The following PDE10A variants were observed in gnomAD, a reference collection of about 807,000 sequenced individuals.
PDE10A encodes the protein cAMP and cAMP-inhibited cGMP 3',5'-cyclic phosphodiesterase 10A.
PDE10A carries 39 observed loss-of-function variants against 97.7 expected under a neutral mutation model. The observed-to-expected ratio is 0.40, with a 90% CI of 0.31 to 0.52. The LOEUF (loss-of-function observed/expected upper bound fraction) is 0.52, where lower values mean the gene tolerates loss of function less well. Among genes scored for constraint, PDE10A ranks in the 20% least tolerant of loss-of-function variants. PDE10A has a pLI of 0.56. For missense variants in PDE10A, 731 were observed against 1,047.8 expected, an observed-to-expected ratio of 0.70 and a Z score of 4.17; for synonymous variants, 371 against 376.8, an observed-to-expected ratio of 0.98 and a Z score of 0.18.
In PDE10A at chr6:165,344,789, G is replaced by A. The variant is rs77846254; in HGVS notation, c.2784-1287C>T. ...AGTTTTACTACCTTGCTTTTTGTAA[G>A]GGCACATTTCAAGAGGGTATCAGGT... On this transcript the variant is annotated intron_variant, in intron 18 of 21. Transcript: ENST00000539869. Among the ~76,000 whole-genome samples, 871 of 152,226 alleles carry A rather than the reference G, an allele frequency of 5.7e-3. 7 individuals are homozygous for A. Among genetic ancestry groups the A allele is most frequent in the African/African-American group, 0.02 (834 of 41,548 alleles).
chr6:165,642,864 T>C (rs1370863533), intron 1 of PDE10A, among the ~76,000 whole-genome samples: 3 of 152,222 alleles, frequency 2.0e-5, no homozygotes. Context: ...CATATAAAAA[T>C]TGTATCACAA....
At chr6:165,473,557 C>G (rs1779133047) in intron 3 of PDE10A, among the ~76,000 whole-genome samples, 1 of 152,054 alleles carries the variant, frequency 6.6e-6, no homozygotes, top group African/African-American at 2.4e-5. Flanking sequence ...CCTCCGTCTT[C>G]TCAAAAATAT....
Position 165,588,288 on chromosome 6 carries a change from T to TCTTTTTTTTTTTTTTTTTTTTTG in PDE10A, c.866-44721_866-44720insCAAAAAAAAAAAAAAAAAAAAAG, listed in dbSNP as rs71029554. ...AAAGTGAGATTTTTTTTTCTTTTTTTTTTTTTTTTTTTTTTTTTTGAGATG... is the reference window on the plus strand; with the variant it reads ...AAAGTGAGATTTTTTTTTCTTTTTTTCTTTTTTTTTTTTTTTTTTTTTGTTTTTTTTTTTTTTTTTTTGAGATG... On this transcript the variant is annotated intron_variant, in intron 1 of 21. Coordinates refer to ENST00000539869, the MANE Select transcript of PDE10A (RefSeq NM_001385079.1). Among the ~76,000 whole-genome samples, 2 of 104,770 alleles carry TCTTTTTTTTTTTTTTTTTTTTTG rather than the reference T, an allele frequency of 1.9e-5. 1 individual carries two copies. 68.7% of individuals were successfully genotyped at this position (104,770 alleles called of 152,430 possible).
intron 3 of PDE10A, among the ~76,000 whole-genome samples, chr6:165,457,678 G>A (rs1778040816): frequency 1.3e-5 from 2 of 152,098 alleles, no homozygotes; most frequent in Non-Finnish European, 2.9e-5. Context: ...TGGTGCCTCA[G>A]GGCATTTGGA....
rs573020472 is a variant in PDE10A at position 165,649,286 on chromosome 6, T to C, written c.865+12661A>G. On this transcript the variant is annotated intron_variant, in intron 1 of 21. Transcript: ENST00000539869. Reference sequence around the variant, plus strand: ...ACTAGAAGGAAATAATATTAAGTGATAAGACAAAGAAAGCTGTCACCACTA... The same window carrying C: ...ACTAGAAGGAAATAATATTAAGTGACAAGACAAAGAAAGCTGTCACCACTA... Among the ~76,000 whole-genome samples the C allele has an allele frequency of 1.3e-4, 19 of 151,968 alleles. No homozygotes were observed. The East Asian group carries it at 3.7e-3, about 29-fold the overall frequency.
intron 13 of PDE10A, among the ~76,000 whole-genome samples, chr6:165,405,501 G>A (rs1328081793): frequency 6.6e-6 from 1 of 152,140 alleles, no homozygotes; most frequent in Non-Finnish European, 1.5e-5. Flanking sequence ...TGTCTACTAT[G>A]GACTATGCAC....
chr6:165,813,131 G>C (rs1430937573), intron 1 of PDE10A, among the ~76,000 whole-genome samples: 1 of 152,138 alleles, frequency 6.6e-6, no homozygotes, highest in African/African-American at 2.4e-5. Context: ...GGAGAAGCTG[G>C]GGCTCAGGGA....
At chr6:165,670,176 G>A (rs963829385) in intron 1 of PDE10A, among the ~76,000 whole-genome samples, 1 of 152,202 alleles carries the variant, frequency 6.6e-6, no homozygotes, top group Non-Finnish European at 1.5e-5. Flanking sequence ...CACATTCCAT[G>A]TCGATTTTGT....
At chr6:165,623,485 G>A (rs553791935) in intron 1 of PDE10A, among the ~76,000 whole-genome samples, 1 of 147,576 alleles carries the variant, frequency 6.8e-6, no homozygotes, top group East Asian at 1.9e-4. Flanking sequence ...CATAGGAATT[G>A]ATGACAGAGG....
At chr6:165,888,561 G>A (rs1562783635) in intron 1 of PDE10A, among the ~76,000 whole-genome samples, 1 of 152,138 alleles carries the variant, frequency 6.6e-6, no homozygotes, top group Non-Finnish European at 1.5e-5. Flanking sequence ...TGAGATTACA[G>A]GCGTGAGCCA....
intron 10 of PDE10A, among the ~76,000 whole-genome samples, chr6:165,423,919 T>C (rs1297187413): frequency 6.6e-6 from 1 of 151,876 alleles, no homozygotes; most frequent in Admixed American, 6.6e-5. Context: ...ATAAAAAAGA[T>C]CCTCAAAAAA....
At chr6:165,778,515 C>T (rs1342419487) in intron 1 of PDE10A, among the ~76,000 whole-genome samples, 1 of 152,260 alleles carries the variant, frequency 6.6e-6, no homozygotes, top group East Asian at 1.9e-4. Flanking sequence ...TCTGGACTTC[C>T]CCGAGCACAG....
chr6:165,789,983 A>C (rs1778604829), intron 1 of PDE10A, among the ~76,000 whole-genome samples: 1 of 152,168 alleles, frequency 6.6e-6, no homozygotes, highest in Admixed American at 6.5e-5. Flanking sequence ...GAAAGGCCAC[A>C]TTTGGGGAAC....
chr6:165,532,924 T>A (rs1782869843), intron 2 of PDE10A, among the ~76,000 whole-genome samples: 1 of 152,096 alleles, frequency 6.6e-6, no homozygotes, highest in East Asian at 1.9e-4. Context: ...CACCACAAAA[T>A]AAGAAGTTTC....
chr6:165,856,893 G>C (rs1210287451), intron 1 of PDE10A, among the ~76,000 whole-genome samples: 2 of 152,136 alleles, frequency 1.3e-5, no homozygotes, highest in African/African-American at 4.8e-5. Context: ...TCTGGGATGT[G>C]GTGAATCTCA....
chr6:165,377,010 A>G (rs1257963861), intron 18 of PDE10A, among the ~76,000 whole-genome samples: 1 of 152,244 alleles, frequency 6.6e-6, no homozygotes, highest in Non-Finnish European at 1.5e-5. Flanking sequence ...ATACTGAGGC[A>G]AGACCCTTCA....
chr6:165,333,336 A>G (rs1400853094), intron 21 of PDE10A, among the ~76,000 whole-genome samples: 1 of 152,128 alleles, frequency 6.6e-6, no homozygotes, highest in Non-Finnish European at 1.5e-5. Flanking sequence ...GGTCAGGGGC[A>G]CCTTGGTCCA....
intron 1 of PDE10A, among the ~76,000 whole-genome samples, chr6:165,708,542 T>C (rs1176418997): frequency 6.6e-6 from 1 of 151,532 alleles, no homozygotes; most frequent in African/African-American, 2.4e-5. Flanking sequence ...CGGTTCTCAG[T>C]GCCTCCACCC....
At chr6:165,403,683 G>C (rs886213019) in intron 13 of PDE10A, among the ~76,000 whole-genome samples, 1 of 152,072 alleles carries the variant, frequency 6.6e-6, no homozygotes, top group Non-Finnish European at 1.5e-5. Flanking sequence ...AAATTAAATT[G>C]ATTCTCTAAG....
Sources: allele counts gnomAD v4.1 joint callset (sites outside exome capture counted in the v4.1 genomes callset), GRCh38; gene constraint gnomAD v4.1.1; transcripts MANE v1.5; gene names NCBI Gene and HGNC (gene_info 2026-07-23, HGNC 2026-07-21).